Variants in TAFA4 observed in about 807,000 individuals in gnomAD.
The protein encoded by TAFA4 is TAFA chemokine like family member 4.
Under a neutral mutation model 21.1 loss-of-function variants are expected in TAFA4, and 20 were observed. The observed-to-expected ratio is 0.95, with a 90% confidence interval of 0.67 to 1.38. TAFA4 has a LOEUF of 1.38. Ranked by LOEUF, TAFA4 falls within the 40% of genes most tolerant of loss-of-function variation. The pLI is 0.00. For synonymous variants in TAFA4, 71 were observed against 67.4 expected (o/e 1.05, Z -0.26); for missense variants, 211 against 180.9 (o/e 1.17, Z -0.95).
intron 3 of TAFA4, among the ~76,000 whole-genome samples, chr3:68,798,841 T>A (rs1703509405): frequency 6.6e-6 from 1 of 152,106 alleles, no homozygotes; most frequent in Non-Finnish European, 1.5e-5. Context: ...CTAGTAAAAT[T>A]GAGTCATACA....
At chr3:68,786,831 T>C (rs894287733) in intron 3 of TAFA4, among the ~76,000 whole-genome samples, 2 of 152,214 alleles carry the variant, frequency 1.3e-5, no homozygotes, top group African/African-American at 2.4e-5. Context: ...GGATTTACAA[T>C]GGGTAGGTCT....
intron 3 of TAFA4, among the ~76,000 whole-genome samples, chr3:68,827,047 C>T (rs1033917326): frequency 2.0e-5 from 3 of 148,052 alleles, no homozygotes; most frequent in African/African-American, 7.5e-5. Flanking sequence ...CCCCCCACCC[C>T]CCAACAGGCC....
intron 3 of TAFA4, among the ~76,000 whole-genome samples, chr3:68,832,026 C>T (rs563658888): frequency 6.6e-6 from 1 of 152,096 alleles, no homozygotes; most frequent in Non-Finnish European, 1.5e-5. Flanking sequence ...TTTTCACCTC[C>T]ATCAGGTCAT....
intron 3 of TAFA4, among the ~76,000 whole-genome samples, chr3:68,842,758 A>G (rs927716520): frequency 2.6e-5 from 4 of 152,180 alleles, no homozygotes; most frequent in Non-Finnish European, 5.9e-5. Flanking sequence ...AGTTTTCTCC[A>G]TATGGCTAGC....
chr3:68,778,603 A>G (rs982247543), intron 3 of TAFA4, among the ~76,000 whole-genome samples: 2 of 152,124 alleles, frequency 1.3e-5, no homozygotes, highest in African/African-American at 2.4e-5. Context: ...ACAAGATCTG[A>G]TGGTTTTAAA....
intron 3 of TAFA4, among the ~76,000 whole-genome samples, chr3:68,866,417 A>C (rs1381720856): frequency 6.6e-6 from 1 of 152,042 alleles, no homozygotes. Flanking sequence ...TCAACAGGCA[A>C]CTGCAAAGAA....
intron 3 of TAFA4, among the ~76,000 whole-genome samples, chr3:68,791,290 G>T (rs952758623): frequency 9.2e-5 from 14 of 152,192 alleles, no homozygotes; most frequent in Non-Finnish European, 1.3e-4. Flanking sequence ...TAACATGCTG[G>T]TGTCCTTGTA....
chr3:68,922,626 A>G (rs1330188281), intron 1 of TAFA4, among the ~76,000 whole-genome samples: 1 of 152,250 alleles, frequency 6.6e-6, no homozygotes, highest in East Asian at 1.9e-4. Flanking sequence ...ACATCAAACC[A>G]GAATCTGAGT....
At chr3:68,744,206 C>T (rs1458694596) in intron 4 of TAFA4, among the ~76,000 whole-genome samples, 2 of 152,150 alleles carry the variant, frequency 1.3e-5, no homozygotes, top group Non-Finnish European at 2.9e-5. Flanking sequence ...GACAGGTGGC[C>T]AGAGGTCCAC....
chr3:68,919,919 C>T (rs182744922), intron 1 of TAFA4, among the ~76,000 whole-genome samples: 1 of 152,306 alleles, frequency 6.6e-6, no homozygotes, highest in East Asian at 1.9e-4. Flanking sequence ...CTAAAACACA[C>T]CCTCTGACCA....
At chr3:68,873,376 A>ACACACACC (rs1491286222) in intron 3 of TAFA4, among the ~76,000 whole-genome samples, 2 of 138,456 alleles carry the variant, frequency 1.4e-5, no homozygotes, top group East Asian at 3.1e-4. Flanking sequence ...ACACACACAC[A>ACACACACC]CCCTGGGCCA....
chr3:68,787,071 A>C (rs1703274955), intron 3 of TAFA4, among the ~76,000 whole-genome samples: 1 of 152,236 alleles, frequency 6.6e-6, no homozygotes, highest in African/African-American at 2.4e-5. Context: ...AAATGAAGAT[A>C]TAAAACCTCA....
chr3:68,746,875 A>G (rs1477073255), intron 4 of TAFA4, among the ~76,000 whole-genome samples: 3 of 152,216 alleles, frequency 2.0e-5, no homozygotes, highest in Non-Finnish European at 2.9e-5. Flanking sequence ...CCTCAGTGTC[A>G]TTGACATTTG....
In TAFA4 at chr3:68,928,986, T is replaced by A. The variant is rs200337892; in HGVS notation, c.-123+3254A>T. ...ACCAGATTTTACAATTAAGTTTATT[T>A]AAAAAAAAAAAAAGAGCCCTTTTGA... On this transcript the variant is annotated intron_variant, in intron 1 of 5. Coordinates refer to ENST00000295569, the MANE Select transcript of TAFA4 (RefSeq NM_182522.5). Among the ~76,000 whole-genome samples the A allele has an allele frequency of 1.2e-4, 18 of 147,312 alleles. No homozygotes were observed. The East Asian group carries it at 3.2e-3, about 26-fold the overall frequency.
At chr3:68,879,430 G>T (rs1025492179) in intron 3 of TAFA4, among the ~76,000 whole-genome samples, 1 of 152,108 alleles carries the variant, frequency 6.6e-6, no homozygotes, top group African/African-American at 2.4e-5. Context: ...ATGGGAGTGG[G>T]TGGTAATCCT....
At chr3:68,927,424 T>C (rs1156739785) in intron 1 of TAFA4, among the ~76,000 whole-genome samples, 1 of 152,170 alleles carries the variant, frequency 6.6e-6, no homozygotes, top group Admixed American at 6.5e-5. Flanking sequence ...GAATAAATAA[T>C]AACTCTAGCT....
chr3:68,733,052 AT>A lies in TAFA4; in HGVS notation c.*89del. 6.4e-7 allele frequency: 1 copy of A among 1,569,772 alleles called. No homozygotes were observed. On this transcript the variant is annotated 3_prime_UTR_variant, in exon 6 of 6. Coordinates refer to ENST00000295569, the MANE Select transcript of TAFA4 (RefSeq NM_182522.5). Reference sequence around the variant, plus strand: ...TATGAAGTTGCTGAAATCCTAGACAATTTTCTGCAAAGGGGCCATGATGGGA... The same window carrying A: ...TATGAAGTTGCTGAAATCCTAGACAATTTCTGCAAAGGGGCCATGATGGGA...
rs1455333194 is a variant in TAFA4, at chr3:68,931,767, G to T, written c.-123+473C>A. On this transcript the variant is annotated intron_variant, in intron 1 of 5. Coordinates refer to ENST00000295569, the MANE Select transcript of TAFA4 (RefSeq NM_182522.5). Reference sequence around the variant, plus strand: ...AAGATCCTAGCAACCAGAGCTTCAGGGTGGGGGTGGGGGCGGGGGGACGCT... The same window carrying T: ...AAGATCCTAGCAACCAGAGCTTCAGTGTGGGGGTGGGGGCGGGGGGACGCT... 2.0e-5 allele frequency among the ~76,000 whole-genome samples: 3 copies of T among 151,408 alleles called. No homozygotes were observed. In the East Asian group the frequency reaches 5.9e-4, roughly 30 times the overall value.
chr3:68,733,831 C>G (rs1030120768), intron 5 of TAFA4, among the ~76,000 whole-genome samples: 1 of 152,162 alleles, frequency 6.6e-6, no homozygotes, highest in African/African-American at 2.4e-5. Context: ...CATACCCAGG[C>G]TTTAGACCCA....
Sources: allele counts gnomAD v4.1 joint callset (sites outside exome capture counted in the v4.1 genomes callset), GRCh38; gene constraint gnomAD v4.1.1; transcripts MANE v1.5; gene names NCBI Gene and HGNC (gene_info 2026-07-23, HGNC 2026-07-21).